Variants in USP34 observed in about 807,000 individuals in gnomAD.
USP34 encodes the protein ubiquitin carboxyl-terminal hydrolase 34.
USP34 carries 70 observed loss-of-function variants against 460.3 expected under a neutral mutation model. That is an observed-to-expected ratio of 0.15 (90% CI 0.13 to 0.19). USP34 has a LOEUF of 0.19. USP34 is among the 10% of genes least tolerant of loss of function. USP34 has a pLI of 1.00. For missense variants in USP34, 3,985 were observed against 4,236.2 expected (o/e 0.94, Z 1.65); for synonymous variants, 1,647 against 1,405.3 (o/e 1.17, Z -3.85).
intron 75 of USP34, chr2:61,194,174 C>A: frequency 1.0e-6 from 1 of 985,304 alleles, no homozygotes; most frequent in South Asian, 4.7e-5. Flanking sequence ...CCAAGGATGC[C>A]TAGGATCCCT....
rs1690188976 is a variant in USP34 at position 61,300,615 on chromosome 2, G to C, written c.4128+336C>G. Among the ~76,000 whole-genome samples the C allele has an allele frequency of 2.6e-5, 4 of 151,602 alleles. No homozygotes were observed. The South Asian group carries it at 8.3e-4, about 32-fold the overall frequency. The stretch of plus-strand genomic sequence containing the variant: ...GTTCAAGACCAGCCTGACCAACACA[G>C]TGAAACCCCATCTCTACTAGAAATG... On this transcript the variant is annotated intron_variant, in intron 29 of 79. Transcript: ENST00000398571.
chr2:61,344,616 A>C (rs971932396), intron 15 of USP34, among the ~76,000 whole-genome samples: 1 of 152,238 alleles, frequency 6.6e-6, no homozygotes, highest in Admixed American at 6.5e-5. Context: ...AGCTAAAATG[A>C]AAAATTAAAT....
chr2:61,224,563 T>C lies in USP34; in HGVS notation c.7596-1267A>G, dbSNP rs563622508. On this transcript the variant is annotated intron_variant, in intron 62 of 79. Coordinates refer to ENST00000398571, the MANE Select transcript of USP34 (RefSeq NM_014709.4). ...GTCCTTGCTCATTAATTAGCTTGAA[T>C]ACATATAAGAACACAAACTTCCCCT... Among the ~76,000 whole-genome samples the C allele has an allele frequency of 2.6e-5, 4 of 152,340 alleles. No homozygotes were observed. In the East Asian group the frequency reaches 7.7e-4, roughly 29 times the overall value.
chr2:61,268,610 C>T (rs548296181), intron 41 of USP34, among the ~76,000 whole-genome samples: 36 of 151,856 alleles, frequency 2.4e-4, no homozygotes, highest in Admixed American at 2.6e-4. Context: ...CTTATAACAC[C>T]GCAAAATGAA....
At chr2:61,365,327 GTATATA>G (rs1183863553) in intron 10 of USP34, among the ~76,000 whole-genome samples, 5 of 139,912 alleles carry the variant, frequency 3.6e-5, no homozygotes, top group Admixed American at 1.4e-4. Context: ...GTGTGTGTGT[GTATATA>G]TGTATGTATG....
At chr2:61,315,540 A>AT (rs1690717216) in intron 23 of USP34, among the ~76,000 whole-genome samples, 2 of 152,006 alleles carry the variant, frequency 1.3e-5, no homozygotes, top group East Asian at 1.9e-4. Flanking sequence ...CATCTGGCTA[A>AT]TTTTTTTGTA....
At chr2:61,404,638 T>C (rs1020209559) in intron 3 of USP34, among the ~76,000 whole-genome samples, 2 of 152,214 alleles carry the variant, frequency 1.3e-5, no homozygotes, top group Admixed American at 6.5e-5. Context: ...TAACAGCCAC[T>C]ACCAACTGCC....
At chr2:61,215,509 C>G (rs1457089466) in intron 67 of USP34, among the ~76,000 whole-genome samples, 1 of 152,184 alleles carries the variant, frequency 6.6e-6, no homozygotes, top group Non-Finnish European at 1.5e-5. Flanking sequence ...GAGTTAGTGA[C>G]TTATTAGTTG....
chr2:61,344,261 T>A lies in USP34; in HGVS notation c.2286-232A>T, dbSNP rs571156217. Reference sequence around the variant, plus strand: ...TTACCAGGCCTATTAAGACACCTCATTAAAACAAATTCAAAGAACAATTTT... The same window carrying A: ...TTACCAGGCCTATTAAGACACCTCAATAAAACAAATTCAAAGAACAATTTT... On this transcript the variant is annotated intron_variant, in intron 15 of 79. Transcript: ENST00000398571. Among the ~76,000 whole-genome samples the A allele has an allele frequency of 3.9e-5, 6 of 152,294 alleles. No individual in the cohort carries two copies. The South Asian group carries it at 1.0e-3, about 26-fold the overall frequency.
chr2:61,314,785 T>C (rs1305470119), intron 24 of USP34, 41 bp from the exon 25 acceptor site: 4 of 1,580,040 alleles, frequency 2.5e-6, no homozygotes, highest in Admixed American at 3.8e-5. Flanking sequence ...AGCCTTATAT[T>C]CTTGTTTAGC....
intron 60 of USP34, 46 bp downstream of exon 60, chr2:61,228,781 T>C (rs779408500): frequency 3.1e-6 from 5 of 1,588,496 alleles, no homozygotes; most frequent in South Asian, 1.2e-5. Context: ...TTGCAAATAC[T>C]GAAAAAAGGT....
chr2:61,337,005 A>G (rs1361274273), intron 18 of USP34, among the ~76,000 whole-genome samples: 1 of 152,122 alleles, frequency 6.6e-6, no homozygotes, highest in Non-Finnish European at 1.5e-5. Context: ...TTAATCTTTC[A>G]TACAGTTTTC....
Position 61,302,932 on chromosome 2 carries a change from G to C in USP34, c.3818-1478C>G, listed in dbSNP as rs13415605. Among the ~76,000 whole-genome samples, 854 of 152,216 alleles carry C rather than the reference G, an allele frequency of 5.6e-3. 6 individuals are homozygous for C. The highest frequency in any genetic ancestry group is 0.019 in the African/African-American group (801 of 41,532). ...AAACAAAAATTACATTGGAATTACT[G>C]ATAGAACATTTTAAAAAATAAATTT... is the stretch of plus-strand genomic sequence containing the variant. On this transcript the variant is annotated intron_variant, in intron 27 of 79. Coordinates refer to ENST00000398571, the MANE Select transcript of USP34 (RefSeq NM_014709.4).
At chr2:61,188,830 C>G in intron 79 of USP34, 80 bp downstream of exon 79, 1 of 1,579,104 alleles carries the variant, frequency 6.3e-7, no homozygotes, top group Non-Finnish European at 8.6e-7. Context: ...GCTGAACACA[C>G]AACTCTTAAA....
intron 1 of USP34, among the ~76,000 whole-genome samples, chr2:61,431,411 G>C (rs964786741): frequency 2.6e-5 from 4 of 152,170 alleles, no homozygotes; most frequent in Non-Finnish European, 5.9e-5. Context: ...ACTTTTTGTA[G>C]AGATGGAGTC....
intron 41 of USP34, among the ~76,000 whole-genome samples, chr2:61,267,012 C>T (rs537735633): frequency 6.6e-6 from 1 of 152,152 alleles, no homozygotes; most frequent in Non-Finnish European, 1.5e-5. Flanking sequence ...CATGAGCCAC[C>T]CTGTGATAAA....
At chr2:61,235,625 A>C (rs902976421) in intron 57 of USP34, among the ~76,000 whole-genome samples, 3 of 152,112 alleles carry the variant, frequency 2.0e-5, no homozygotes, top group African/African-American at 7.2e-5. Flanking sequence ...CACCTGGCCA[A>C]AACATGAATT....
chr2:61,221,786 C>T lies in USP34; in HGVS notation c.7795-180G>A, dbSNP rs182150942. 237 of 481,052 alleles carry T rather than the reference C, an allele frequency of 4.9e-4. 1 individual carries two copies. Among genetic ancestry groups the T allele is most frequent in the Non-Finnish European group, 1.7e-4 (48 of 280,346 alleles). 29.8% of individuals were successfully genotyped at this position (481,052 alleles called of 1,614,324 possible). The stretch of plus-strand genomic sequence containing the variant: ...AAAGCAGCAGGATCAGCGAGGGGTA[C>T]AAAGTCAACCGGGAACCACGTATGA... On this transcript the variant is annotated intron_variant, in intron 65 of 79. Coordinates refer to ENST00000398571, the MANE Select transcript of USP34 (RefSeq NM_014709.4).
chr2:61,247,452 C>T (rs1688448003), intron 49 of USP34, among the ~76,000 whole-genome samples: 1 of 152,220 alleles, frequency 6.6e-6, no homozygotes, highest in African/African-American at 2.4e-5. Context: ...ATAAATTCTG[C>T]TCTCTCCACA....
Sources: gnomAD v4.1 joint callset for allele counts (sites outside exome capture counted in the v4.1 genomes callset) on GRCh38, gnomAD v4.1.1 for gene constraint, MANE v1.5 for transcripts, NCBI Gene and HGNC (gene_info 2026-07-23, HGNC 2026-07-21) for gene names.